Variants in TMEM132D observed in about 807,000 individuals in gnomAD.
The protein encoded by TMEM132D is mature OL transmembrane protein.
TMEM132D carries 21 observed loss-of-function variants against 62.3 expected under a neutral mutation model. The ratio of observed to expected loss-of-function variants is 0.34; its 90% CI spans 0.24 to 0.49. The LOEUF (loss-of-function observed/expected upper bound fraction) is 0.49. TMEM132D is among the 20% of genes least tolerant of loss of function. The pLI is 0.99. For synonymous variants in TMEM132D, 621 were observed against 575.6 expected (o/e 1.08, Z -1.13); for missense variants, 1,346 against 1,402.8 (o/e 0.96, Z 0.65).
At chr12:129,555,669 T>C (rs1877034936) in intron 2 of TMEM132D, among the ~76,000 whole-genome samples, 1 of 152,202 alleles carries the variant, frequency 6.6e-6, no homozygotes, top group African/African-American at 2.4e-5. Flanking sequence ...CCAGGCCTTT[T>C]AAAGTTCTTA....
At chr12:129,801,511 G>C (rs1471873870) in intron 1 of TMEM132D, among the ~76,000 whole-genome samples, 1 of 151,292 alleles carries the variant, frequency 6.6e-6, no homozygotes, top group Non-Finnish European at 1.5e-5. Flanking sequence ...CAAACAGAAA[G>C]GACATCCACA....
At chr12:129,195,840 A>G (rs370361453) in intron 5 of TMEM132D, among the ~76,000 whole-genome samples, 1 of 152,276 alleles carries the variant, frequency 6.6e-6, no homozygotes, top group East Asian at 1.9e-4. Context: ...TAAAGAGTTT[A>G]CGGGGGCCAG....
chr12:129,727,658 G>C (rs1593137861), intron 1 of TMEM132D, among the ~76,000 whole-genome samples: 1 of 152,268 alleles, frequency 6.6e-6, no homozygotes, highest in East Asian at 1.9e-4. Flanking sequence ...TGAGCTTCCT[G>C]ATGACTTTCA....
intron 2 of TMEM132D, among the ~76,000 whole-genome samples, chr12:129,566,083 T>C (rs1247983666): frequency 6.6e-6 from 1 of 152,222 alleles, no homozygotes; most frequent in Non-Finnish European, 1.5e-5. Flanking sequence ...TAAGCTAAGT[T>C]TGAGTTTTTC....
rs1305530640 is a variant in TMEM132D at position 129,700,223 on chromosome 12, C to A, written c.555G>T (p.Leu185=). 1.2e-6 allele frequency: 2 copies of A among 1,612,910 alleles called. No homozygotes were observed. The highest frequency in any genetic ancestry group is 1.7e-6 in the Non-Finnish European group (2 of 1,179,928). ...CCACGCACAGCCCCAGGTCCCCCTG[C>A]AGCCGGCAGCTGCCCCGCACCTCTC... The part of the protein sequence containing the change: ...ETREVRGSCR[L]QGDLGLCVAE... Residue 185 remains leucine (L), a synonymous_variant, in exon 2 of 9, where the codon CTG becomes CTT. Transcript: ENST00000422113.
intron 4 of TMEM132D, among the ~76,000 whole-genome samples, chr12:129,326,918 C>T (rs1868932790): frequency 6.6e-6 from 1 of 151,948 alleles, no homozygotes; most frequent in Non-Finnish European, 1.5e-5. Context: ...ATTTTGGGGG[C>T]AGGAACAGCA....
chr12:129,244,799 C>A (rs1566010039), intron 4 of TMEM132D, among the ~76,000 whole-genome samples: 1 of 152,022 alleles, frequency 6.6e-6, no homozygotes. Context: ...GGCCACCACA[C>A]CTGACTAATT....
chr12:129,771,082 G>C (rs543039585), intron 1 of TMEM132D, among the ~76,000 whole-genome samples: 2 of 152,176 alleles, frequency 1.3e-5, no homozygotes, highest in Non-Finnish European at 1.5e-5. Context: ...GGTGCAGCCC[G>C]CACTCGGGCT....
At chr12:129,824,272 C>T (rs150920208) in intron 1 of TMEM132D, among the ~76,000 whole-genome samples, 1 of 152,224 alleles carries the variant, frequency 6.6e-6, no homozygotes, top group East Asian at 1.9e-4. Flanking sequence ...TACTACATAG[C>T]AGGCTCCATC....
At chr12:129,769,764 C>A (rs1368141625) in intron 1 of TMEM132D, among the ~76,000 whole-genome samples, 1 of 152,138 alleles carries the variant, frequency 6.6e-6, no homozygotes, top group East Asian at 1.9e-4. Context: ...ATTTTTGAAT[C>A]TATTAAGGGG....
At chr12:129,140,659 T>C (rs1021037509) in intron 5 of TMEM132D, among the ~76,000 whole-genome samples, 7 of 152,034 alleles carry the variant, frequency 4.6e-5, no homozygotes, top group South Asian at 4.2e-4. Flanking sequence ...GCCAACATGG[T>C]GAAATCCTGT....
chr12:129,869,615 G>A (rs1874178662), intron 1 of TMEM132D, among the ~76,000 whole-genome samples: 1 of 152,156 alleles, frequency 6.6e-6, no homozygotes, highest in Non-Finnish European at 1.5e-5. Flanking sequence ...TGCAGATGCA[G>A]AACCCACGAA....
At chr12:129,134,091 T>C (rs1876465618) in intron 5 of TMEM132D, among the ~76,000 whole-genome samples, 1 of 146,532 alleles carries the variant, frequency 6.8e-6, no homozygotes, top group Admixed American at 7.0e-5. Flanking sequence ...GTGTTGTATG[T>C]GTGTGTGTGT....
At chr12:129,212,702 C>G (rs1427704920) in intron 4 of TMEM132D, 1 of 152,208 alleles carries the variant, frequency 6.6e-6, no homozygotes, top group Non-Finnish European at 1.5e-5. Context: ...TCCTTATTGT[C>G]ACTTCATACA....
At position 129,507,581 on chromosome 12, in the gene TMEM132D, A is replaced by G. The variant is rs1028597378; in HGVS notation, c.1115+23478T>C. On this transcript the variant is annotated intron_variant, in intron 3 of 8. Coordinates refer to ENST00000422113, the MANE Select transcript of TMEM132D (RefSeq NM_133448.3). ...AGCAACCTGGATGAGATTGGAGACT[A>G]CAATTCTAAGTGAAGTAACTCACGA... Among the ~76,000 whole-genome samples, 4 of 152,212 alleles carry G rather than the reference A, an allele frequency of 2.6e-5. No homozygotes were observed. The South Asian group carries it at 8.3e-4, about 31-fold the overall frequency.
intron 5 of TMEM132D, among the ~76,000 whole-genome samples, chr12:129,123,470 T>C (rs1287540191): frequency 6.6e-6 from 1 of 152,084 alleles, no homozygotes; most frequent in African/African-American, 2.4e-5. Flanking sequence ...CATCCTGCAG[T>C]TTCTGGGGAT....
intron 5 of TMEM132D, among the ~76,000 whole-genome samples, chr12:129,198,288 T>C (rs1472034507): frequency 6.6e-6 from 1 of 152,180 alleles, no homozygotes; most frequent in Admixed American, 6.5e-5. Flanking sequence ...AGAATTACCA[T>C]ATAATCTAGC....
At chr12:129,309,089 T>C (rs1348583419) in intron 4 of TMEM132D, among the ~76,000 whole-genome samples, 2 of 152,244 alleles carry the variant, frequency 1.3e-5, no homozygotes, top group African/African-American at 4.8e-5. Flanking sequence ...CCTCCCTCTC[T>C]TTATCTTACT....
intron 2 of TMEM132D, among the ~76,000 whole-genome samples, chr12:129,664,628 T>C (rs1255444946): frequency 6.6e-6 from 1 of 151,972 alleles, no homozygotes; most frequent in Non-Finnish European, 1.5e-5. Context: ...GGTTTCACCG[T>C]GTTAGCCAGG....
Sources: gnomAD v4.1 joint callset for allele counts (sites outside exome capture counted in the v4.1 genomes callset) on GRCh38, gnomAD v4.1.1 for gene constraint, MANE v1.5 for transcripts, NCBI Gene and HGNC (gene_info 2026-07-23, HGNC 2026-07-21) for gene names.